The following ZNF695 variants were observed in gnomAD, a reference collection of about 807,000 sequenced individuals.
The protein encoded by ZNF695 is zinc finger protein 695.
A neutral mutation model predicts 11.2 loss-of-function variants in ZNF695; 11 were observed. That is an observed-to-expected ratio of 0.98 (90% CI 0.62 to 1.62). The LOEUF (loss-of-function observed/expected upper bound fraction) is 1.62, where lower values mean the gene tolerates loss of function less well. Ranked by LOEUF, ZNF695 falls within the 40% of genes most tolerant of loss-of-function variation. The pLI, the probability that ZNF695 is intolerant of heterozygous loss-of-function variation, is 0.00. For synonymous variants in ZNF695, 190 were observed against 201.4 expected (o/e 0.94, Z 0.48); for missense variants, 559 against 590.5 (o/e 0.95, Z 0.55).
chr1:246,957,302 G>T (rs192921152), intron 5 of ZNF695, among the ~76,000 whole-genome samples: 3 of 151,712 alleles, frequency 2.0e-5, no homozygotes, highest in African/African-American at 7.3e-5. Flanking sequence ...AGAATCGCTT[G>T]AACTAGGGAG....
intron 3 of ZNF695, among the ~76,000 whole-genome samples, chr1:246,991,008 A>C (rs1439763292): frequency 6.6e-6 from 1 of 152,182 alleles, no homozygotes; most frequent in Non-Finnish European, 1.5e-5. Flanking sequence ...AAAAAGAGGG[A>C]AAACTTCAAC....
At chr1:246,976,605 T>C (rs10737795) in intron 4 of ZNF695, among the ~76,000 whole-genome samples, 34 of 151,004 alleles carry the variant, frequency 2.3e-4, no homozygotes, top group East Asian at 5.8e-4. Flanking sequence ...CCATCCTGGC[T>C]AACACGGTGA....
chr1:246,999,286 G>C, intron 3 of ZNF695, 62 bp downstream of exon 3: 1 of 1,372,146 alleles, frequency 7.3e-7, no homozygotes, highest in East Asian at 2.3e-5. Flanking sequence ...ACAGTTTAAA[G>C]TCTGGCTTCT....
At chr1:246,946,133 G>A (rs887570494) in intron 5 of ZNF695, among the ~76,000 whole-genome samples, 9 of 152,190 alleles carry the variant, frequency 5.9e-5, no homozygotes, top group Non-Finnish European at 1.2e-4. Flanking sequence ...AATGCTCCCC[G>A]TGCCACACCG....
intron 1 of ZNF695, among the ~76,000 whole-genome samples, chr1:247,005,717 CA>C (rs1669512497): frequency 1.3e-5 from 2 of 151,774 alleles, no homozygotes; most frequent in South Asian, 4.2e-4. Context: ...AAAACAACAA[CA>C]AAAAAACTTG....
At chr1:246,966,078 T>A (rs138385389) in intron 5 of ZNF695, among the ~76,000 whole-genome samples, 1 of 151,548 alleles carries the variant, frequency 6.6e-6, no homozygotes, top group East Asian at 1.9e-4. Context: ...TGGAGGAAAA[T>A]ATTAAGAGAA....
At chr1:246,984,279 TTAAAAAAAAA>T (rs1668790709), downstream of ZNF695, among the ~76,000 whole-genome samples, 1 of 125,510 alleles carries the variant, frequency 8.0e-6, no homozygotes. Context: ...AACACAGGTT[TTAAAAAAAAA>T]AAAAAAAAAA....
chr1:246,976,529 T>A (rs960151974), intron 4 of ZNF695, among the ~76,000 whole-genome samples: 4 of 151,906 alleles, frequency 2.6e-5, no homozygotes, highest in African/African-American at 4.8e-5. Context: ...GCGCGGTGGC[T>A]CACACCTGTA....
Position 246,998,077 on chromosome 1 carries a change from T to C in ZNF695, c.259+1271A>G, listed in dbSNP as rs148779685. 4.4e-3 allele frequency among the ~76,000 whole-genome samples: 671 copies of C among 152,320 alleles called. 4 individuals carry two copies. Among genetic ancestry groups the C allele is most frequent in the African/African-American group, 0.015 (628 of 41,568 alleles). On this transcript the variant is annotated intron_variant, in intron 3 of 3. Transcript: ENST00000339986. ...CTAACCATGTGAAGTGACAGATGTG[T>C]TCATTAGCTTAACTGTATAATCATT... is the stretch of plus-strand genomic sequence containing the variant.
intron 5 of ZNF695, among the ~76,000 whole-genome samples, chr1:246,966,244 A>G (rs1311680906): frequency 1.3e-5 from 2 of 152,026 alleles, no homozygotes; most frequent in Non-Finnish European, 2.9e-5. Flanking sequence ...ATCTCAGCAC[A>G]TTGGGAGGCC....
At chr1:246,946,957 C>T (rs1176823743) in intron 5 of ZNF695, among the ~76,000 whole-genome samples, 1 of 151,946 alleles carries the variant, frequency 6.6e-6, no homozygotes, top group East Asian at 1.9e-4. Flanking sequence ...CTGGTTAATG[C>T]AGTGAAACCC....
intron 5 of ZNF695, among the ~76,000 whole-genome samples, chr1:246,953,146 G>T (rs941920223): frequency 1.3e-5 from 2 of 152,080 alleles, no homozygotes; most frequent in Non-Finnish European, 2.9e-5. Flanking sequence ...TCAACTTCAG[G>T]CCTCCTTTGG....
intron 3 of ZNF695, among the ~76,000 whole-genome samples, chr1:246,990,108 T>TGAAGGAAG (rs202245310): frequency 4.1e-5 from 5 of 122,356 alleles, no homozygotes; most frequent in African/African-American, 1.3e-4. Flanking sequence ...AAGGAATGAA[T>TGAAGGAAG]GAAGGAAGGA....
chr1:246,980,759 T>C (rs749019729), downstream of ZNF695, among the ~76,000 whole-genome samples: 27 of 152,246 alleles, frequency 1.8e-4, no homozygotes, highest in Non-Finnish European at 3.4e-4. Context: ...AGGCATTAAG[T>C]GCATTCACAT....
chr1:246,959,313 ATATAT>A (rs1558304485), intron 5 of ZNF695, among the ~76,000 whole-genome samples: 64 of 39,476 alleles, frequency 1.6e-3, no homozygotes, highest in Non-Finnish European at 2.3e-3. Context: ...AAAAAAAAAT[ATATAT>A]ATATATATAT....
downstream of ZNF695, chr1:246,945,599 G>A (rs1045886718): frequency 1.7e-6 from 1 of 572,122 alleles, no homozygotes; most frequent in South Asian, 2.5e-5. Flanking sequence ...CAAATGAAAA[G>A]GGAAAAAAAG....
intron 4 of ZNF695, chr1:246,968,975 GAA>G (rs1668356445): frequency 6.6e-6 from 1 of 152,234 alleles, no homozygotes; most frequent in Non-Finnish European, 1.5e-5. Context: ...GGGCTGCCAC[GAA>G]AGTCTCTGAA....
intron 4 of ZNF695, among the ~76,000 whole-genome samples, chr1:246,976,542 C>T (rs1445492370): frequency 1.3e-5 from 2 of 151,920 alleles, no homozygotes; most frequent in African/African-American, 4.8e-5. Flanking sequence ...CACCTGTAAT[C>T]CCAGCACTTT....
At chr1:246,973,353 G>T (rs902838784) in intron 4 of ZNF695, among the ~76,000 whole-genome samples, 1 of 152,106 alleles carries the variant, frequency 6.6e-6, no homozygotes, top group Non-Finnish European at 1.5e-5. Context: ...CCGGCCGAAC[G>T]TCACATATTT....
Sources: gnomAD v4.1 joint callset for allele counts (sites outside exome capture counted in the v4.1 genomes callset) on GRCh38, gnomAD v4.1.1 for gene constraint, MANE v1.5 for transcripts, NCBI Gene and HGNC (gene_info 2026-07-23, HGNC 2026-07-21) for gene names.